ERBB4: variants seen among roughly 807,000 people sequenced by gnomAD.
ERBB4 encodes the protein receptor tyrosine-protein kinase erbB-4.
ERBB4 carries 42 observed loss-of-function variants against 158.0 expected under a neutral mutation model. The observed-to-expected ratio is 0.27, with a 90% CI of 0.21 to 0.34. The LOEUF (loss-of-function observed/expected upper bound fraction) is 0.34, where lower values mean the gene tolerates loss of function less well. ERBB4 is among the 10% of genes least tolerant of loss of function. The pLI, the probability that ERBB4 is intolerant of heterozygous loss-of-function variation, is 1.00. For synonymous variants in ERBB4, 583 were observed against 558.7 expected, an observed-to-expected ratio of 1.04 and a Z score of -0.61; for missense variants, 1,333 against 1,624.1, an observed-to-expected ratio of 0.82 and a Z score of 3.08.
intron 2 of ERBB4, among the ~76,000 whole-genome samples, chr2:212,031,007 T>C (rs1466125909): frequency 6.6e-6 from 1 of 152,088 alleles, no homozygotes; most frequent in African/African-American, 2.4e-5. Flanking sequence ...CACACTCTTA[T>C]CCAACATCCG....
intron 1 of ERBB4, among the ~76,000 whole-genome samples, chr2:212,532,932 CT>C (rs1692836045): frequency 6.6e-6 from 1 of 152,200 alleles, no homozygotes; most frequent in Non-Finnish European, 1.5e-5. Flanking sequence ...AAAGGGACAG[CT>C]TTCCTCTCTT....
Position 212,199,093 on chromosome 2 carries a change from T to C in ERBB4, c.83-74190A>G, listed in dbSNP as rs150776990. ...TCACCATACTGTTTTCCACAGTGGT[T>C]GTGTCATTTTAAATCCCCACTCACA... is the stretch of plus-strand genomic sequence containing the variant. On this transcript the variant is annotated intron_variant, in intron 1 of 27. Coordinates refer to ENST00000342788, the MANE Select transcript of ERBB4 (RefSeq NM_005235.3). Among the ~76,000 whole-genome samples, 428 of 152,286 alleles carry C rather than the reference T, an allele frequency of 2.8e-3. 2 individuals are homozygous for C. The highest frequency in any genetic ancestry group is 6.8e-3 in the Middle Eastern group (2 of 294).
At chr2:212,261,972 A>G (rs908326090) in intron 1 of ERBB4, among the ~76,000 whole-genome samples, 1 of 152,160 alleles carries the variant, frequency 6.6e-6, no homozygotes, top group Non-Finnish European at 1.5e-5. Context: ...CTGTGAAACT[A>G]AATCACAACA....
intron 17 of ERBB4, 96 bp from the exon 18 acceptor site, chr2:211,624,140 A>G: frequency 7.1e-7 from 1 of 1,415,310 alleles, no homozygotes; most frequent in Non-Finnish European, 9.5e-7. Context: ...TCTCTTTCTT[A>G]CAAAGAAAAA....
chr2:211,805,616 T>C (rs2076596121), intron 3 of ERBB4, among the ~76,000 whole-genome samples: 1 of 152,262 alleles, frequency 6.6e-6, no homozygotes, highest in South Asian at 2.1e-4. Context: ...TCTTTGCTTA[T>C]TCTCTTGCCT....
rs925935777 is a variant in ERBB4 at position 211,881,433 on chromosome 2, G to A, written c.421+65997C>T. On this transcript the variant is annotated intron_variant, in intron 3 of 27. Transcript: ENST00000342788. Reference sequence around the variant, plus strand: ...AAGCTTGAAGCTTGCACGGGGGAATGCTGGCAGCTGCGCCAATAGAGAAGG... The same window carrying A: ...AAGCTTGAAGCTTGCACGGGGGAATACTGGCAGCTGCGCCAATAGAGAAGG... Among the ~76,000 whole-genome samples the A allele has an allele frequency of 2.6e-5, 4 of 152,176 alleles. No individual in the cohort carries two copies. The South Asian group carries it at 6.2e-4, about 24-fold the overall frequency.
intron 12 of ERBB4, among the ~76,000 whole-genome samples, chr2:211,679,582 T>C (rs1244640401): frequency 6.6e-6 from 1 of 151,888 alleles, no homozygotes; most frequent in African/African-American, 2.4e-5. Context: ...GAAAACAATA[T>C]TGTCCTGAAA....
intron 2 of ERBB4, among the ~76,000 whole-genome samples, chr2:212,029,447 C>A (rs1480918801): frequency 6.6e-6 from 1 of 152,056 alleles, no homozygotes; most frequent in Non-Finnish European, 1.5e-5. Flanking sequence ...TTGAGTAACA[C>A]CCAAACATAA....
At chr2:211,753,147 C>T (rs551065821) in intron 4 of ERBB4, among the ~76,000 whole-genome samples, 1 of 117,722 alleles carries the variant, frequency 8.5e-6, no homozygotes, top group East Asian at 2.2e-4. Context: ...AATATCTGAC[C>T]AAAATATCTG....
rs79310613 is a variant in ERBB4, at chr2:211,383,135, C to T, written c.*480G>A. The T allele has an allele frequency of 3.4e-4, 79 of 233,312 alleles. No homozygotes were observed. The East Asian group carries it at 4.8e-3, about 14-fold the overall frequency. The allele number at this position is 233,312 out of a possible 1,614,324, so 14.5% of individuals were successfully genotyped here. On this transcript the variant is annotated 3_prime_UTR_variant, in exon 28 of 28. Coordinates refer to ENST00000342788, the MANE Select transcript of ERBB4 (RefSeq NM_005235.3). ...ATCATATGTTATAGAAAATGTTATTCTTTTGTTCTAATGGAAACTTTATTA... is the reference window on the plus strand; with the variant it reads ...ATCATATGTTATAGAAAATGTTATTTTTTTGTTCTAATGGAAACTTTATTA...
intron 3 of ERBB4, among the ~76,000 whole-genome samples, chr2:211,896,754 C>T (rs977534199): frequency 6.6e-6 from 1 of 152,068 alleles, no homozygotes; most frequent in Non-Finnish European, 1.5e-5. Flanking sequence ...ATGAAAAAGA[C>T]TGTTTAACAT....
At chr2:211,603,920 T>G (rs2068886585) in intron 19 of ERBB4, among the ~76,000 whole-genome samples, 1 of 152,242 alleles carries the variant, frequency 6.6e-6, no homozygotes, top group African/African-American at 2.4e-5. Context: ...GCTATTTGGG[T>G]TCCACCAGCT....
intron 2 of ERBB4, among the ~76,000 whole-genome samples, chr2:212,089,816 T>TTTTTTGTGTTTG (rs2078721132): frequency 6.6e-6 from 1 of 152,278 alleles, no homozygotes; most frequent in East Asian, 1.9e-4. Context: ...ACATCTTTAC[T>TTTTTTGTGTTTG]CTTTTTGTGA....
At chr2:212,278,342 A>C (rs1341872032) in intron 1 of ERBB4, among the ~76,000 whole-genome samples, 1 of 151,724 alleles carries the variant, frequency 6.6e-6, no homozygotes, top group East Asian at 1.9e-4. Flanking sequence ...CAATTTGAAG[A>C]TTTCCTTTTG....
At chr2:212,342,727 T>G (rs1207403752) in intron 1 of ERBB4, among the ~76,000 whole-genome samples, 1 of 152,222 alleles carries the variant, frequency 6.6e-6, no homozygotes, top group Non-Finnish European at 1.5e-5. Context: ...ATACTCCATT[T>G]TTTACAACTT....
chr2:211,802,507 G>A (rs982688183), intron 3 of ERBB4, among the ~76,000 whole-genome samples: 3 of 152,122 alleles, frequency 2.0e-5, no homozygotes, highest in Non-Finnish European at 1.5e-5. Context: ...TTGAAGAATT[G>A]TTGCAAACCA....
At chr2:212,368,239 C>T (rs116671439) in intron 1 of ERBB4, among the ~76,000 whole-genome samples, 52 of 152,196 alleles carry the variant, frequency 3.4e-4, no homozygotes, top group African/African-American at 1.2e-3. Context: ...TGGAATACTA[C>T]AGAGCCATAA....
At chr2:211,786,048 T>C (rs2076156473) in intron 4 of ERBB4, among the ~76,000 whole-genome samples, 1 of 152,194 alleles carries the variant, frequency 6.6e-6, no homozygotes, top group Non-Finnish European at 1.5e-5. Flanking sequence ...AGTCTTGAAC[T>C]AGGGCAATCA....
intron 1 of ERBB4, among the ~76,000 whole-genome samples, chr2:212,188,307 C>T (rs1304022114): frequency 1.8e-5 from 2 of 109,666 alleles, no homozygotes; most frequent in African/African-American, 6.0e-5. Context: ...TTCTCTCCCT[C>T]CCTCTCTATC....
Sources: allele counts gnomAD v4.1 joint callset (sites outside exome capture counted in the v4.1 genomes callset), GRCh38; gene constraint gnomAD v4.1.1; transcripts MANE v1.5; gene names NCBI Gene and HGNC (gene_info 2026-07-23, HGNC 2026-07-21).